Variants in FARP1 observed in about 807,000 individuals in gnomAD.
FARP1 encodes FERM, ARH/RhoGEF and pleckstrin domain protein 1, also known as FERM, ARHGEF and pleckstrin domain-containing protein 1.
Under a neutral mutation model 128.8 loss-of-function variants are expected in FARP1, and 52 were observed. That is an observed-to-expected ratio of 0.40 (90% CI 0.32 to 0.51). The LOEUF (loss-of-function observed/expected upper bound fraction) is 0.51, where lower values mean the gene tolerates loss of function less well. Among genes scored for constraint, FARP1 ranks in the 20% least tolerant of loss-of-function variants. The pLI, the probability that FARP1 is intolerant of heterozygous loss-of-function variation, is 0.45. For missense variants in FARP1, 1,333 were observed against 1,367.9 expected (o/e 0.97, Z 0.40); for synonymous variants, 580 against 551.8 (o/e 1.05, Z -0.72).
chr13:98,439,275 A>C, intron 21 of FARP1, 79 bp downstream of exon 21: 1 of 954,754 alleles, frequency 1.0e-6, no homozygotes, highest in Middle Eastern at 2.2e-4. Context: ...GGCGATGAGG[A>C]GGGAAGGAGA....
chr13:98,244,617 A>G (rs776350708), intron 2 of FARP1: 3 of 1,614,172 alleles, frequency 1.9e-6, no homozygotes, highest in Non-Finnish European at 2.5e-6. Flanking sequence ...CAGAATTCTC[A>G]CTCATCTTAC....
At chr13:98,373,554 A>ACACG (rs1889452102) in intron 5 of FARP1, among the ~76,000 whole-genome samples, 1 of 151,286 alleles carries the variant, frequency 6.6e-6, no homozygotes, top group African/African-American at 2.4e-5. Context: ...ACACACACAC[A>ACACG]CACACACACA....
At chr13:98,375,225 A>G (rs938135468) in intron 5 of FARP1, among the ~76,000 whole-genome samples, 2 of 152,110 alleles carry the variant, frequency 1.3e-5, no homozygotes, top group African/African-American at 4.8e-5. Flanking sequence ...TTGCCAGGTA[A>G]AGTCATATTT....
rs377161659 is a variant in FARP1, at chr13:98,374,574, T to C, written c.399-3247T>C. ...ATCTTGTTGAAGAAACTGGACCAGC[T>C]ACACTACACAGTATCCTACTTTCTG... On this transcript the variant is annotated intron_variant, in intron 5 of 26. Coordinates refer to ENST00000319562, the MANE Select transcript of FARP1 (RefSeq NM_005766.4). Among the ~76,000 whole-genome samples, 17 of 152,340 alleles carry C rather than the reference T, an allele frequency of 1.1e-4. No homozygotes were observed. In the East Asian group the frequency reaches 1.2e-3, roughly 10 times the overall value.
intron 11 of FARP1, among the ~76,000 whole-genome samples, chr13:98,391,559 C>A (rs1269331660): frequency 1.3e-5 from 2 of 152,196 alleles, no homozygotes; most frequent in Non-Finnish European, 2.9e-5. Context: ...GCAAGAGTCA[C>A]CATGCCCAGC....
intron 2 of FARP1, among the ~76,000 whole-genome samples, chr13:98,247,793 A>G (rs1373460448): frequency 6.6e-6 from 1 of 152,144 alleles, no homozygotes; most frequent in East Asian, 1.9e-4. Context: ...GAAACAGAGA[A>G]CAGGGGCAAG....
intron 3 of FARP1, among the ~76,000 whole-genome samples, chr13:98,357,616 A>G (rs1394817362): frequency 2.0e-5 from 3 of 152,080 alleles, no homozygotes; most frequent in African/African-American, 7.2e-5. Flanking sequence ...TATATCTTCC[A>G]TATCTCAACT....
intron 1 of FARP1, among the ~76,000 whole-genome samples, chr13:98,182,062 C>G (rs562438837): frequency 6.7e-6 from 1 of 150,004 alleles, no homozygotes; most frequent in Non-Finnish European, 1.5e-5. Flanking sequence ...TTGTGAGACT[C>G]TCTCCTTTGA....
chr13:98,265,359 G>A lies in FARP1; in HGVS notation c.171+51946G>A, dbSNP rs1424625649. 7.3e-5 allele frequency among the ~76,000 whole-genome samples: 8 copies of A among 110,278 alleles called. No homozygotes were observed. The South Asian group carries it at 2.0e-3, about 27-fold the overall frequency. 72.3% of individuals were successfully genotyped at this position (110,278 alleles called of 152,430 possible). A position where few individuals can be genotyped will look rare whatever the true frequency, so the allele number is the denominator to read the frequency against. The stretch of plus-strand genomic sequence containing the variant: ...TTTTGAGACGGAGTCTCGCTCTGTC[G>A]CCCAGGCTGGAGTGCAGTGGCGGGA... On this transcript the variant is annotated intron_variant, in intron 2 of 26. Transcript: ENST00000319562.
At chr13:98,295,558 C>T (rs140628717) in intron 2 of FARP1, among the ~76,000 whole-genome samples, 2 of 152,320 alleles carry the variant, frequency 1.3e-5, no homozygotes, top group East Asian at 3.9e-4. Context: ...CAGTCCCCCT[C>T]TCCTCCCCCA....
intron 24 of FARP1, among the ~76,000 whole-genome samples, chr13:98,443,731 C>T (rs1267816328): frequency 6.6e-6 from 1 of 152,202 alleles, no homozygotes; most frequent in Non-Finnish European, 1.5e-5. Context: ...AGCCTGTGGG[C>T]ACTAGAGCCA....
chr13:98,238,712 C>G (rs1249918677), intron 2 of FARP1, among the ~76,000 whole-genome samples: 1 of 152,162 alleles, frequency 6.6e-6, no homozygotes, highest in African/African-American at 2.4e-5. Context: ...TACCTCCCAC[C>G]AAGTCCTTCC....
chr13:98,376,511 G>T (rs529419884), intron 5 of FARP1, among the ~76,000 whole-genome samples: 1 of 152,062 alleles, frequency 6.6e-6, no homozygotes. Context: ...TTCTTTGTCC[G>T]TTCATCTGTG....
At chr13:98,239,677 G>T (rs1450277331) in intron 2 of FARP1, among the ~76,000 whole-genome samples, 1 of 152,070 alleles carries the variant, frequency 6.6e-6, no homozygotes, top group Admixed American at 6.6e-5. Flanking sequence ...GGGAGAGGTG[G>T]TCCCTTGGGT....
At chr13:98,197,626 C>G (rs796780158) in intron 1 of FARP1, among the ~76,000 whole-genome samples, 4 of 151,816 alleles carry the variant, frequency 2.6e-5, no homozygotes, top group African/African-American at 9.7e-5. Flanking sequence ...GAACTTTTGA[C>G]TAAAAACTTC....
At chr13:98,249,633 G>T (rs1048182227) in intron 2 of FARP1, among the ~76,000 whole-genome samples, 15 of 151,958 alleles carry the variant, frequency 9.9e-5, no homozygotes, top group African/African-American at 3.6e-4. Context: ...AAATTGTTTG[G>T]CTATTGGAAT....
intron 2 of FARP1, among the ~76,000 whole-genome samples, chr13:98,298,939 A>G (rs1885812389): frequency 1.3e-5 from 2 of 152,306 alleles, no homozygotes; most frequent in East Asian, 3.9e-4. Flanking sequence ...ACCTGTGCTG[A>G]ATGGAACTGC....
At position 98,446,815 on chromosome 13, in the gene FARP1, A is replaced by G; in HGVS notation, c.3054A>G (p.Glu1018=). 6.2e-7 allele frequency: 1 copy of G among 1,613,976 alleles called. No individual in the cohort carries two copies. Among genetic ancestry groups the G allele is most frequent in the Non-Finnish European group, 8.5e-7 (1 of 1,179,960 alleles). ...YFRAESEYTF[E]RWMEVIRSAT... ...GGGCGGAAAGCGAGTACACGTTCGA[A>G]AGGTAGACACCCCCTTCCCACGCAC... The change falls in exon 26 of 27, where the codon GAA becomes GAG. Residue 1018 remains glutamate, a splice_region_variant and synonymous_variant. Transcript: ENST00000319562.
intron 11 of FARP1, among the ~76,000 whole-genome samples, chr13:98,393,417 T>G (rs1890387613): frequency 6.6e-6 from 1 of 152,198 alleles, no homozygotes; most frequent in South Asian, 2.1e-4. Flanking sequence ...CAACAAGGGC[T>G]TCTGAGAATT....
Sources: gnomAD v4.1 joint callset for allele counts (sites outside exome capture counted in the v4.1 genomes callset) on GRCh38, gnomAD v4.1.1 for gene constraint, MANE v1.5 for transcripts, NCBI Gene and HGNC (gene_info 2026-07-23, HGNC 2026-07-21) for gene names.